ASXL1: variants seen among roughly 807,000 people sequenced by gnomAD.
ASXL1 encodes ASXL transcriptional regulator 1, also known as polycomb group protein ASXL1.
Under a neutral mutation model 89.1 loss-of-function variants are expected in ASXL1, and 65 were observed. The ratio of observed to expected loss-of-function variants is 0.73; its 90% CI spans 0.60 to 0.90. The LOEUF is 0.90. Ranked by LOEUF, ASXL1 falls within the 40% of genes least tolerant of loss-of-function variation. The pLI, the probability that ASXL1 is intolerant of heterozygous loss-of-function variation, is 0.00. For missense variants in ASXL1, 1,786 were observed against 1,942.9 expected (o/e 0.92, Z 1.52); for synonymous variants, 739 against 746.9 (o/e 0.99, Z 0.17).
At chr20:32,423,675 C>T (rs909064911) in intron 4 of ASXL1, among the ~76,000 whole-genome samples, 5 of 152,058 alleles carry the variant, frequency 3.3e-5, no homozygotes, top group East Asian at 1.9e-4. Context: ...CACAACCTCC[C>T]GAGTAGCTGG....
chr20:32,373,345 C>A (rs1053057236), intron 4 of ASXL1, among the ~76,000 whole-genome samples: 1 of 151,930 alleles, frequency 6.6e-6, no homozygotes. Flanking sequence ...CCATTGCACT[C>A]CAGCCTGGGC....
At position 32,428,350 on chromosome 20, in the gene ASXL1, C is replaced by T. The variant is rs570931513; in HGVS notation, c.399C>T (p.Asn133=). 7.2e-5 allele frequency: 116 copies of T among 1,614,036 alleles called. No individual in the cohort carries two copies. The highest frequency in any genetic ancestry group is 8.8e-5 in the Non-Finnish European group (104 of 1,180,030). The change falls in exon 6 of 13, where the codon AAC becomes AAT. Residue 133 remains asparagine, a synonymous_variant. Transcript: ENST00000375687. ...NDVSLDETSS[N]ASCSTESQSR... is the part of the protein sequence containing the mutation. ...TATCTCTTGATGAAACATCTTCGAA[C>T]GCATCCTGTTCTACAGAATCTCAGA...
intron 4 of ASXL1, among the ~76,000 whole-genome samples, chr20:32,397,138 A>C (rs1255767226): frequency 7.2e-6 from 1 of 139,266 alleles, no homozygotes; most frequent in Non-Finnish European, 1.5e-5. Context: ...TCCGCCTACC[A>C]GGTTCAAGCA....
chr20:32,430,990 A>G, intron 8 of ASXL1: 1 of 519,116 alleles, frequency 1.9e-6, no homozygotes, highest in East Asian at 3.7e-5. Flanking sequence ...TCTCCAGTTG[A>G]GCTTTGTGGA....
chr20:32,396,221 A>T (rs985841697), intron 4 of ASXL1, among the ~76,000 whole-genome samples: 14 of 152,156 alleles, frequency 9.2e-5, no homozygotes, highest in Non-Finnish European at 4.4e-5. Context: ...GTCTGTTTTT[A>T]TGTATTCTAT....
intron 4 of ASXL1, among the ~76,000 whole-genome samples, chr20:32,379,055 C>T (rs1392194288): frequency 6.6e-6 from 1 of 150,812 alleles, no homozygotes; most frequent in Non-Finnish European, 1.5e-5. Context: ...TCACTTGAAC[C>T]CAGAGACAGA....
At position 32,431,474 on chromosome 20, in the gene ASXL1, T is replaced by C; in HGVS notation, c.872T>C (p.Val291Ala). 1 of 1,614,184 alleles carries C rather than the reference T, an allele frequency of 6.2e-7. No homozygotes were observed. Among genetic ancestry groups the C allele is most frequent in the Non-Finnish European group, 8.5e-7 (1 of 1,180,018 alleles). The change falls in exon 9 of 13, where the codon GTA becomes GCA. Residue 291 changes from valine (V) to alanine (A), a missense_variant. Val to Ala is a moderately conservative substitution (Grantham distance 64). Transcript: ENST00000375687. Reference protein sequence around the residue: ...QQQLLFLLPEVDRQVGTDGLL... With the variant: ...QQQLLFLLPEADRQVGTDGLL... ...CAGCTCCTCTTCCTCCTGCCTGAAG[T>C]AGACAGACAGGTGCACATGGGCAGC...
chr20:32,413,321 A>G (rs1423752376), intron 4 of ASXL1, among the ~76,000 whole-genome samples: 2 of 152,152 alleles, frequency 1.3e-5, no homozygotes, highest in African/African-American at 4.8e-5. Flanking sequence ...TTGGAGGGGG[A>G]TGGAAATGGA....
intron 4 of ASXL1, among the ~76,000 whole-genome samples, chr20:32,413,449 A>G (rs531191315): frequency 7.8e-4 from 119 of 152,366 alleles, no homozygotes; most frequent in Non-Finnish European, 1.2e-3. Flanking sequence ...AAGATGGGAA[A>G]TAAAAAACAA....
At chr20:32,426,000 C>T (rs533983821) in intron 4 of ASXL1, among the ~76,000 whole-genome samples, 59 of 152,280 alleles carry the variant, frequency 3.9e-4, no homozygotes, top group African/African-American at 1.3e-3. Context: ...CCACCATGCC[C>T]GGCCTGATTT....
intron 4 of ASXL1, among the ~76,000 whole-genome samples, chr20:32,385,742 A>G (rs1449511560): frequency 6.6e-6 from 1 of 152,130 alleles, no homozygotes; most frequent in Non-Finnish European, 1.5e-5. Context: ...CTTACGATCC[A>G]GTGCTTTGCT....
chr20:32,370,965 T>TAAAAAA (rs776902032), intron 4 of ASXL1, among the ~76,000 whole-genome samples: 6 of 87,400 alleles, frequency 6.9e-5, no homozygotes, highest in Admixed American at 5.9e-4. Flanking sequence ...TTGTCTCTAT[T>TAAAAAA]AAAAAAAAAA....
chr20:32,426,228 T>G (rs1486173840), intron 4 of ASXL1, among the ~76,000 whole-genome samples: 1 of 152,224 alleles, frequency 6.6e-6, no homozygotes, highest in African/African-American at 2.4e-5. Context: ...AGGTTTTGGC[T>G]AATAGTTTTC....
intron 2 of ASXL1, among the ~76,000 whole-genome samples, chr20:32,367,288 G>T (rs575278545): frequency 3.3e-5 from 5 of 152,318 alleles, no homozygotes; most frequent in African/African-American, 9.6e-5. Flanking sequence ...GCGGAGGCTG[G>T]AGAATCGCTT....
intron 1 of ASXL1, among the ~76,000 whole-genome samples, chr20:32,365,739 T>C (rs1441960340): frequency 6.6e-6 from 1 of 152,220 alleles, no homozygotes; most frequent in African/African-American, 2.4e-5. Context: ...ATTCTGTTTC[T>C]CATTGCACCA....
chr20:32,411,572 C>T (rs1160252202), intron 4 of ASXL1, among the ~76,000 whole-genome samples: 6 of 138,310 alleles, frequency 4.3e-5, no homozygotes, highest in African/African-American at 8.2e-5. Flanking sequence ...TATGAAGACT[C>T]GCTCTGTTGC....
At position 32,435,642 on chromosome 20, in the gene ASXL1, A is replaced by G; in HGVS notation, c.2930A>G (p.Gln977Arg). 3.7e-6 allele frequency: 6 copies of G among 1,614,190 alleles called. No homozygotes were observed. Among genetic ancestry groups the G allele is most frequent in the Non-Finnish European group, 5.1e-6 (6 of 1,180,048 alleles). ...GSDSNGSYCQ[Q>R]VDIEKLKING... ...GACAGCAATGGCAGTTACTGTCAAC[A>G]GGTGGACATTGAAAAGCTGAAAATC... Residue 977 changes from glutamine to arginine, a missense_variant, in exon 13 of 13, where the codon CAG becomes CGG. Coordinates refer to ENST00000375687, the MANE Select transcript of ASXL1 (RefSeq NM_015338.6).
Position 32,435,207 on chromosome 20 carries a change from A to G in ASXL1, c.2495A>G (p.Asp832Gly), listed in dbSNP as rs759926643. Residue 832 changes from aspartate (D) to glycine (G), a missense_variant, in exon 13 of 13, where the codon GAC (aspartate) becomes GGC (glycine). Transcript: ENST00000375687. ...GAGAAAGGAACTGGCCAAGCTCTTGACAGTCATCCCACTATGAAGGATCCT... is the reference window on the plus strand; with the variant it reads ...GAGAAAGGAACTGGCCAAGCTCTTGGCAGTCATCCCACTATGAAGGATCCT... ...TLEKGTGQAL[D>G]SHPTMKDPVN... The G allele has an allele frequency of 2.4e-5, 39 of 1,613,888 alleles. No individual in the cohort carries two copies. The highest frequency in any genetic ancestry group is 1.6e-4 in the Middle Eastern group (1 of 6,084).
chr20:32,434,350 A>G, intron 12 of ASXL1, 82 bp from the exon 13 acceptor site: 1 of 1,504,050 alleles, frequency 6.6e-7, no homozygotes, highest in East Asian at 2.3e-5. Context: ...CCCTTAAGCT[A>G]CTAGAATCCT....
Sources: gnomAD v4.1 joint callset for allele counts (sites outside exome capture counted in the v4.1 genomes callset) on GRCh38, gnomAD v4.1.1 for gene constraint, MANE v1.5 for transcripts, NCBI Gene and HGNC (gene_info 2026-07-23, HGNC 2026-07-21) for gene names.